The following C2CD3 variants were observed in gnomAD, a reference collection of about 807,000 sequenced individuals.
The protein encoded by C2CD3 is C2 domain containing 3 centriole elongation regulator.
A neutral mutation model predicts 234.0 loss-of-function variants in C2CD3; 148 were observed. That is an observed-to-expected ratio of 0.63 (90% CI 0.55 to 0.72). C2CD3 has a LOEUF of 0.72. Among genes scored for constraint, C2CD3 ranks in the 30% least tolerant of loss-of-function variants. C2CD3 has a pLI of 0.00. For missense variants in C2CD3, 2,577 were observed against 2,811.5 expected, an observed-to-expected ratio of 0.92 and a Z score of 1.89; for synonymous variants, 1,000 against 1,035.4, an observed-to-expected ratio of 0.97 and a Z score of 0.66.
chr11:74,109,059 T>A lies in C2CD3; in HGVS notation c.1937A>T (p.Tyr646Phe). Reference sequence around the variant, plus strand: ...CTTTTTCTGTGGAGTTTTCTTTACATAAATTTGGAAAGTGAGGTTGGAATT... The same window carrying A: ...CTTTTTCTGTGGAGTTTTCTTTACAAAAATTTGGAAAGTGAGGTTGGAATT... ...WWNSNLTFQI[Y>F]VKKTPQKKPE... The change falls in exon 12 of 33, where the codon TAT becomes TTT. Residue 646 changes from tyrosine (Y) to phenylalanine (F), a missense_variant. Tyr to Phe is a conservative substitution (Grantham distance 22). Transcript: ENST00000334126. 6.2e-7 allele frequency: 1 copy of A among 1,603,134 alleles called. No homozygotes were observed. Among genetic ancestry groups the A allele is most frequent in the East Asian group, 2.2e-5 (1 of 44,462 alleles).
In C2CD3 at chr11:74,078,544, T is replaced by C; in HGVS notation, c.4174A>G (p.Ser1392Gly). Reference protein sequence around the residue: ...AEHLGWSFENSLKDFVRMDEG... With the variant: ...AEHLGWSFENGLKDFVRMDEG... ...TCCATTCTGACAAAATCTTTCAGGCTGTTCTCAAAGCTCCAGCCCAAATGC... is the reference window on the plus strand; with the variant it reads ...TCCATTCTGACAAAATCTTTCAGGCCGTTCTCAAAGCTCCAGCCCAAATGC... Residue 1392 changes from serine (S) to glycine (G), a missense_variant, in exon 23 of 33, where the codon AGC (serine) becomes GGC (glycine). Transcript: ENST00000334126. 1.2e-6 allele frequency: 2 copies of C among 1,614,170 alleles called. No homozygotes were observed. The highest frequency in any genetic ancestry group is 1.7e-6 in the Non-Finnish European group (2 of 1,180,022).
At chr11:74,065,238 C>G (rs1591373670) in intron 24 of C2CD3, among the ~76,000 whole-genome samples, 3 of 152,202 alleles carry the variant, frequency 2.0e-5, no homozygotes, top group African/African-American at 4.8e-5. Flanking sequence ...ACAACCCCAT[C>G]AAAAAGTGGG....
chr11:74,161,855 G>A (rs975753904), intron 2 of C2CD3, among the ~76,000 whole-genome samples: 4 of 139,518 alleles, frequency 2.9e-5, no homozygotes, highest in East Asian at 2.1e-4. Flanking sequence ...GGTCTCTGTC[G>A]CCCAGGCTGG....
intron 9 of C2CD3, among the ~76,000 whole-genome samples, chr11:74,114,979 G>A (rs1457349412): frequency 1.3e-5 from 2 of 151,900 alleles, no homozygotes; most frequent in Non-Finnish European, 2.9e-5. Flanking sequence ...TGGGATTACA[G>A]GTGTGAACAA....
chr11:74,130,973 T>A (rs569813588), intron 7 of C2CD3, among the ~76,000 whole-genome samples: 1 of 152,008 alleles, frequency 6.6e-6, no homozygotes, highest in South Asian at 2.1e-4. Context: ...TAGTTTTTGA[T>A]TTTTTATTTT....
intron 3 of C2CD3, among the ~76,000 whole-genome samples, chr11:74,142,766 C>T (rs970313614): frequency 2.0e-5 from 3 of 152,116 alleles, no homozygotes; most frequent in African/African-American, 7.2e-5. Flanking sequence ...CTGTCAATTC[C>T]TAGCCGTCCA....
At chr11:74,123,475 G>C (rs190152924) in intron 7 of C2CD3, among the ~76,000 whole-genome samples, 2 of 152,046 alleles carry the variant, frequency 1.3e-5, no homozygotes, top group Non-Finnish European at 2.9e-5. Context: ...TTTATAGTCT[G>C]ATAGGGAGAA....
intron 32 of C2CD3, among the ~76,000 whole-genome samples, chr11:74,018,772 C>A (rs1951969945): frequency 6.6e-6 from 1 of 152,356 alleles, no homozygotes; most frequent in Admixed American, 6.5e-5. Flanking sequence ...AGAGGCCCAG[C>A]CCTGAGAGGC....
At chr11:74,165,061 AC>A (rs1322520154) in intron 2 of C2CD3, among the ~76,000 whole-genome samples, 1 of 152,176 alleles carries the variant, frequency 6.6e-6, no homozygotes, top group Admixed American at 6.5e-5. Context: ...TCTGAGAGAG[AC>A]CTTTTCTCAA....
At chr11:74,124,640 G>A (rs528104962) in intron 7 of C2CD3, among the ~76,000 whole-genome samples, 1 of 152,274 alleles carries the variant, frequency 6.6e-6, no homozygotes, top group African/African-American at 2.4e-5. Flanking sequence ...CTTCCTAACT[G>A]CCATAATCCA....
In C2CD3 at chr11:74,103,552, T is replaced by C; in HGVS notation, c.2159A>G (p.Tyr720Cys). 2 of 1,613,796 alleles carry C rather than the reference T, an allele frequency of 1.2e-6. No individual in the cohort carries two copies. The highest frequency in any genetic ancestry group is 1.7e-5 in the Admixed American group (1 of 60,022). The change falls in exon 14 of 33, where the codon TAT (tyrosine) becomes TGT (cysteine). Residue 720 changes from tyrosine to cysteine, a missense_variant. By Grantham distance (194) the Tyr-to-Cys change is radical. Transcript: ENST00000334126. ...ACTTGTAGGAGCACAAAGTGGGGTATAATGGGTGTTGCCACTTAACTTAGT... is the reference window on the plus strand; with the variant it reads ...ACTTGTAGGAGCACAAAGTGGGGTACAATGGGTGTTGCCACTTAACTTAGT... The part of the protein sequence containing the change: ...INTKLSGNTH[Y>C]TPLCAPTSPN...
intron 32 of C2CD3, 27 bp from the exon 33 acceptor site, chr11:74,013,552 A>T: frequency 7.7e-7 from 1 of 1,303,990 alleles, no homozygotes; most frequent in Non-Finnish European, 9.8e-7. Flanking sequence ...CAGCTAGGTT[A>T]CCACTGAGGA....
intron 1 of C2CD3, among the ~76,000 whole-genome samples, chr11:74,170,381 A>C (rs932353198): frequency 3.9e-5 from 6 of 152,180 alleles, no homozygotes; most frequent in African/African-American, 1.4e-4. Flanking sequence ...AAATGATATA[A>C]TCCCTTTGCC....
intron 28 of C2CD3, among the ~76,000 whole-genome samples, chr11:74,046,650 G>GCT (rs112389218): frequency 0.021 from 3,268 of 152,156 alleles, 66 homozygotes; most frequent in African/African-American, 0.046. Flanking sequence ...TTTTCGTCTA[G>GCT]CTTCTCTTCC....
At chr11:74,093,409 G>A (rs964093229) in intron 18 of C2CD3, among the ~76,000 whole-genome samples, 8 of 150,096 alleles carry the variant, frequency 5.3e-5, no homozygotes, top group Admixed American at 4.0e-4. Flanking sequence ...CTGGTGGTGG[G>A]AAGAACAGGT....
intron 3 of C2CD3, 42 bp from the exon 4 acceptor site, chr11:74,139,870 T>G: frequency 2.5e-6 from 3 of 1,185,156 alleles, no homozygotes; most frequent in Non-Finnish European, 3.8e-6. Flanking sequence ...TCTTTAGCAT[T>G]GATTAACTAA....
chr11:74,034,230 C>T lies in C2CD3; in HGVS notation c.5930G>A (p.Arg1977Gln), dbSNP rs775042648. 5.9e-5 allele frequency: 91 copies of T among 1,536,026 alleles called. No homozygotes were observed. The highest frequency in any genetic ancestry group is 7.4e-5 in the Non-Finnish European group (85 of 1,146,908). The change falls in exon 31 of 33, where the codon CGA becomes CAA. Residue 1977 changes from arginine (R) to glutamine (Q), a missense_variant. By Grantham distance (43) the Arg-to-Gln change is conservative (BLOSUM62 1). Coordinates refer to ENST00000334126, the MANE Select transcript of C2CD3 (RefSeq NM_001286577.2). ...RDSQAALSSH[R>Q]ARSRSNKATT... ...GGCCTTGTTGCTTCTACTCCTGGCT[C>T]GGTGAGAACTCAAAGCTGCTTGCGA...
intron 7 of C2CD3, among the ~76,000 whole-genome samples, chr11:74,128,174 C>A (rs1182953806): frequency 1.3e-5 from 2 of 152,130 alleles, no homozygotes; most frequent in Non-Finnish European, 2.9e-5. Flanking sequence ...TATTGGCTAT[C>A]TTAATATATT....
chr11:74,035,917 G>A (rs1348902334), intron 30 of C2CD3, among the ~76,000 whole-genome samples: 3 of 152,068 alleles, frequency 2.0e-5, no homozygotes, highest in Admixed American at 1.3e-4. Flanking sequence ...CCGGGGTGCA[G>A]TGGAACAATC....
Sources: gnomAD v4.1 joint callset for allele counts (sites outside exome capture counted in the v4.1 genomes callset) on GRCh38, gnomAD v4.1.1 for gene constraint, MANE v1.5 for transcripts, NCBI Gene and HGNC (gene_info 2026-07-23, HGNC 2026-07-21) for gene names.